Variants in ATP8A1 observed in about 807,000 individuals in gnomAD.
The protein encoded by ATP8A1 is phospholipid-transporting ATPase IA.
A neutral mutation model predicts 177.7 loss-of-function variants in ATP8A1; 90 were observed. The observed-to-expected ratio is 0.51, with a 90% CI of 0.43 to 0.60. The LOEUF (loss-of-function observed/expected upper bound fraction) is 0.60, where lower values mean the gene tolerates loss of function less well. Ranked by LOEUF, ATP8A1 falls within the 20% of genes least tolerant of loss-of-function variation. ATP8A1 has a pLI of 0.00. For synonymous variants in ATP8A1, 493 were observed against 485.9 expected (o/e 1.01, Z -0.19); for missense variants, 1,072 against 1,392.8 (o/e 0.77, Z 3.67).
At chr4:42,600,417 T>C in intron 6 of ATP8A1, 61 bp downstream of exon 6, 2 of 1,328,038 alleles carry the variant, frequency 1.5e-6, no homozygotes, top group Non-Finnish European at 2.0e-6. Context: ...AAAAATTATA[T>C]ATACTAGAGT....
intron 7 of ATP8A1, among the ~76,000 whole-genome samples, chr4:42,589,790 G>T (rs1733973569): frequency 6.6e-6 from 1 of 151,006 alleles, no homozygotes; most frequent in African/African-American, 2.4e-5. Flanking sequence ...CGATGACAAA[G>T]AAAATACTAA....
chr4:42,550,149 A>G (rs1443330781), intron 18 of ATP8A1, among the ~76,000 whole-genome samples: 1 of 150,182 alleles, frequency 6.7e-6, no homozygotes, highest in African/African-American at 2.4e-5. Context: ...CCTGATCTTG[A>G]GCTGCATAAA....
At chr4:42,482,257 G>A (rs1415714783) in intron 25 of ATP8A1, among the ~76,000 whole-genome samples, 1 of 151,634 alleles carries the variant, frequency 6.6e-6, no homozygotes, top group Non-Finnish European at 1.5e-5. Flanking sequence ...AGCTGAGATC[G>A]CGCCACTGCA....
chr4:42,654,800 A>G (rs990215059), intron 1 of ATP8A1, among the ~76,000 whole-genome samples: 2 of 152,232 alleles, frequency 1.3e-5, no homozygotes, highest in Non-Finnish European at 2.9e-5. Flanking sequence ...TAGTCCAATC[A>G]GCTGAGGCCA....
At chr4:42,552,095 G>T (rs984995518) in intron 17 of ATP8A1, among the ~76,000 whole-genome samples, 2 of 152,116 alleles carry the variant, frequency 1.3e-5, no homozygotes, top group South Asian at 4.1e-4. Flanking sequence ...AAAAGAGGAA[G>T]GCAAAATTGG....
Position 42,541,434 on chromosome 4 carries a change from T to C in ATP8A1, c.1722+2483A>G, listed in dbSNP as rs578049567. Among the ~76,000 whole-genome samples the C allele has an allele frequency of 1.2e-3, 176 of 152,330 alleles. 1 individual carries two copies. Among genetic ancestry groups the C allele is most frequent in the African/African-American group, 4.1e-3 (171 of 41,578 alleles). ...ATTAATTGCTAATGGGAATGCAAAATGGCATAGCCACTTGGAAGACAGTTT... is the reference window on the plus strand; with the variant it reads ...ATTAATTGCTAATGGGAATGCAAAACGGCATAGCCACTTGGAAGACAGTTT... On this transcript the variant is annotated intron_variant, in intron 20 of 36. Coordinates refer to ENST00000381668, the MANE Select transcript of ATP8A1 (RefSeq NM_006095.2).
At chr4:42,434,593 T>C (rs1715700834) in intron 33 of ATP8A1, among the ~76,000 whole-genome samples, 1 of 152,246 alleles carries the variant, frequency 6.6e-6, no homozygotes, top group Non-Finnish European at 1.5e-5. Context: ...CTTCTTTAGA[T>C]GCAATCACTT....
At chr4:42,652,272 C>G (rs1288648253) in intron 1 of ATP8A1, among the ~76,000 whole-genome samples, 3 of 152,126 alleles carry the variant, frequency 2.0e-5, no homozygotes, top group African/African-American at 7.2e-5. Flanking sequence ...AAATGTGTTT[C>G]ACCAGCACCA....
chr4:42,516,405 A>C (rs181149374), intron 22 of ATP8A1, among the ~76,000 whole-genome samples: 64 of 152,352 alleles, frequency 4.2e-4, no homozygotes, highest in Middle Eastern at 6.8e-3. Flanking sequence ...CATTAAAAAA[A>C]AAAGTTTCCC....
At chr4:42,536,248 C>T (rs1290633803) in intron 20 of ATP8A1, among the ~76,000 whole-genome samples, 1 of 152,244 alleles carries the variant, frequency 6.6e-6, no homozygotes, top group East Asian at 1.9e-4. Flanking sequence ...CAAATAAGCT[C>T]AGTTAGAAAC....
intron 33 of ATP8A1, among the ~76,000 whole-genome samples, chr4:42,429,073 A>C (rs968121036): frequency 7.2e-5 from 11 of 152,226 alleles, no homozygotes; most frequent in African/African-American, 2.7e-4. Flanking sequence ...CTAGTGTTGT[A>C]GAAACTATGA....
chr4:42,475,362 C>T (rs1306749451), intron 25 of ATP8A1, among the ~76,000 whole-genome samples: 1 of 151,854 alleles, frequency 6.6e-6, no homozygotes, highest in African/African-American at 2.4e-5. Flanking sequence ...GTTGCTCAGG[C>T]TGGACAGACA....
intron 1 of ATP8A1, among the ~76,000 whole-genome samples, chr4:42,655,264 A>G (rs1741500390): frequency 6.6e-6 from 1 of 152,232 alleles, no homozygotes; most frequent in South Asian, 2.1e-4. Context: ...ACCAACCTCC[A>G]GGAGTGTTGT....
chr4:42,458,005 A>T (rs1430380350), intron 27 of ATP8A1, among the ~76,000 whole-genome samples: 1 of 152,182 alleles, frequency 6.6e-6, no homozygotes, highest in African/African-American at 2.4e-5. Flanking sequence ...TTTAAAGAAG[A>T]AATGACTAGG....
chr4:42,452,670 A>G (rs1718055980), intron 29 of ATP8A1, among the ~76,000 whole-genome samples: 2 of 152,214 alleles, frequency 1.3e-5, no homozygotes, highest in Non-Finnish European at 1.5e-5. Context: ...ATAACATCAT[A>G]TAATAGTTAC....
intron 33 of ATP8A1, among the ~76,000 whole-genome samples, chr4:42,435,795 G>A (rs981700720): frequency 2.0e-5 from 3 of 152,194 alleles, no homozygotes; most frequent in Non-Finnish European, 2.9e-5. Flanking sequence ...CATCATGTGA[G>A]TTTCAGCTTA....
rs745750065 is a variant in ATP8A1, at chr4:42,590,846, T to C, written c.489A>G (p.Glu163=). ...GACTGATGAGATCTGCTGGGAGATG[T>C]TCCCCATTGGTCACTTTCACTATCT... The part of the protein sequence containing the change: ...VGEIVKVTNG[E]HLPADLISLS... The change falls in exon 7 of 37, where the codon GAA becomes GAG. Residue 163 remains glutamate, a synonymous_variant. Coordinates refer to ENST00000381668, the MANE Select transcript of ATP8A1 (RefSeq NM_006095.2). 5 of 1,613,692 alleles carry C rather than the reference T, an allele frequency of 3.1e-6. No homozygotes were observed. The highest frequency in any genetic ancestry group is 2.2e-5 in the East Asian group (1 of 44,866).
intron 27 of ATP8A1, among the ~76,000 whole-genome samples, chr4:42,460,508 C>T (rs764871446): frequency 1.8e-4 from 28 of 151,802 alleles, no homozygotes; most frequent in Admixed American, 9.2e-4. Context: ...CTGCCTCAGC[C>T]TCCTAAGTAG....
chr4:42,551,244 T>C lies in ATP8A1; in HGVS notation c.1556A>G (p.Asn519Ser). 1 of 1,613,948 alleles carries C rather than the reference T, an allele frequency of 6.2e-7. No homozygotes were observed. Among genetic ancestry groups the C allele is most frequent in the Non-Finnish European group, 8.5e-7 (1 of 1,179,920 alleles). ...GGGTGTTCTTCCAGTGAAAACAAAA[T>C]TCAATTGCTTGGCTGCTCTGACCAA... ...GALVRAAKQLNFVFTGRTPDS... is the reference protein window; with the variant it reads ...GALVRAAKQLSFVFTGRTPDS... The change falls in exon 18 of 37, where the codon AAT (asparagine) becomes AGT (serine). Residue 519 changes from asparagine to serine, a missense_variant. Physicochemically the swap from Asn to Ser is conservative, Grantham distance 46. Coordinates refer to ENST00000381668, the MANE Select transcript of ATP8A1 (RefSeq NM_006095.2).
Sources: gnomAD v4.1 joint callset for allele counts (sites outside exome capture counted in the v4.1 genomes callset) on GRCh38, gnomAD v4.1.1 for gene constraint, MANE v1.5 for transcripts, NCBI Gene and HGNC (gene_info 2026-07-23, HGNC 2026-07-21) for gene names.